The following MYLIP variants were observed in gnomAD, a reference collection of about 807,000 sequenced individuals.
The protein encoded by MYLIP is myosin regulatory light chain interacting protein.
MYLIP carries 26 observed loss-of-function variants against 45.8 expected under a neutral mutation model. The ratio of observed to expected loss-of-function variants is 0.57; its 90% CI spans 0.42 to 0.79. The LOEUF (loss-of-function observed/expected upper bound fraction) is 0.79. Among genes scored for constraint, MYLIP ranks in the 30% least tolerant of loss-of-function variants. MYLIP has a pLI of 0.00. For missense variants in MYLIP, 494 were observed against 555.6 expected (o/e 0.89, Z 1.11); for synonymous variants, 213 against 218.1 (o/e 0.98, Z 0.21).
At chr6:16,144,569 T>G (rs1352461591) in intron 5 of MYLIP, among the ~76,000 whole-genome samples, 1 of 152,206 alleles carries the variant, frequency 6.6e-6, no homozygotes, top group Admixed American at 6.5e-5. Context: ...TTTAGACATT[T>G]CTAACCTAAA....
chr6:16,130,774 T>C (rs1349829362), intron 2 of MYLIP, 27 bp downstream of exon 2: 2 of 1,599,178 alleles, frequency 1.3e-6, no homozygotes, highest in Non-Finnish European at 1.7e-6. Context: ...TAAACCAATG[T>C]CAAATTGACC....
intron 2 of MYLIP, among the ~76,000 whole-genome samples, chr6:16,130,980 G>A (rs1040640609): frequency 6.6e-6 from 1 of 150,430 alleles, no homozygotes; most frequent in Non-Finnish European, 1.5e-5. Flanking sequence ...AACTTGATGG[G>A]TGAGCAGGGT....
At chr6:16,131,619 C>T (rs979304277) in intron 2 of MYLIP, among the ~76,000 whole-genome samples, 6 of 152,170 alleles carry the variant, frequency 3.9e-5, no homozygotes. Flanking sequence ...AGCTTTGGAT[C>T]TAAGTTCTAA....
intron 1 of MYLIP, among the ~76,000 whole-genome samples, chr6:16,130,092 A>G (rs947546702): frequency 6.6e-6 from 1 of 152,232 alleles, no homozygotes; most frequent in Non-Finnish European, 1.5e-5. Flanking sequence ...TCTAGCTCTG[A>G]GATGTTTGGA....
intron 2 of MYLIP, among the ~76,000 whole-genome samples, chr6:16,131,744 T>G (rs1232108724): frequency 1.3e-5 from 2 of 152,136 alleles, no homozygotes; most frequent in Non-Finnish European, 2.9e-5. Context: ...TACATGACAT[T>G]TGCTTGTTTG....
At position 16,130,677 on chromosome 6, in the gene MYLIP, G is replaced by T. The variant is rs766038208; in HGVS notation, c.208G>T (p.Ala70Ser). Residue 70 changes from alanine to serine, a missense_variant, in exon 2 of 7, where the codon GCC becomes TCC. Transcript: ENST00000356840. Reference protein sequence around the residue: ...NRISQQMDGLAPYRLKLRVKF... With the variant: ...NRISQQMDGLSPYRLKLRVKF... ...GATCTCCCAGCAGATGGATGGGCTA[G>T]CCCCTTACAGGCTTAAACTTAGAGT... 4 of 1,614,176 alleles carry T rather than the reference G, an allele frequency of 2.5e-6. No individual in the cohort carries two copies. Among genetic ancestry groups the T allele is most frequent in the South Asian group, 1.1e-5 (1 of 91,080 alleles).
intron 2 of MYLIP, 38 bp from the exon 3 acceptor site, chr6:16,141,587 A>G (rs1265971951): frequency 1.3e-6 from 2 of 1,559,036 alleles, no homozygotes; most frequent in East Asian, 4.6e-5. Context: ...ATGTCAGGTT[A>G]TCCCCAAGCA....
rs1471529929 is a variant in MYLIP at position 16,130,462 on chromosome 6, G to T, written c.88-95G>T. ...AGGAATTGTAACACCATTGAACTTT[G>T]TAAAAAGCACCAGCAATCTTAGCCT... On this transcript the variant is annotated intron_variant, in intron 1 of 6. Transcript: ENST00000356840. The T allele has an allele frequency of 6.2e-6, 8 of 1,300,332 alleles. No individual in the cohort carries two copies. In the Admixed American group the frequency reaches 6.6e-5, roughly 11 times the overall value. 80.5% of individuals were successfully genotyped at this position (1,300,332 alleles called of 1,614,324 possible). A position where few individuals can be genotyped will look rare whatever the true frequency, so the allele number is the denominator to read the frequency against.
chr6:16,131,647 T>C (rs1197978272), intron 2 of MYLIP, among the ~76,000 whole-genome samples: 1 of 152,262 alleles, frequency 6.6e-6, no homozygotes, highest in East Asian at 1.9e-4. Context: ...CATAATTCTT[T>C]GGCTGAGAAA....
chr6:16,138,621 G>A (rs1238769449), intron 2 of MYLIP, among the ~76,000 whole-genome samples: 1 of 152,094 alleles, frequency 6.6e-6, no homozygotes, highest in African/African-American at 2.4e-5. Flanking sequence ...TCCCTTTATT[G>A]TAAAAGGCTG....
the MYLIP span, among the ~76,000 whole-genome samples, chr6:16,158,110 G>A: frequency 2.0e-5 from 3 of 152,170 alleles, no homozygotes; most frequent in African/African-American, 7.2e-5. Context: ...AAGAGCCTAC[G>A]GATTATCGCT....
chr6:16,151,127 A>G (rs981581290), downstream of MYLIP, among the ~76,000 whole-genome samples: 2 of 151,986 alleles, frequency 1.3e-5, no homozygotes, highest in African/African-American at 2.4e-5. Flanking sequence ...AGGCGGGTGG[A>G]TCACGAGGTC....
Position 16,141,686 on chromosome 6 carries a change from G to A in MYLIP, c.340G>A (p.Glu114Lys), listed in dbSNP as rs752488097. The A allele has an allele frequency of 6.2e-7, 1 of 1,614,144 alleles. No homozygotes were observed. Among genetic ancestry groups the A allele is most frequent in the East Asian group, 2.2e-5 (1 of 44,874 alleles). ...GGCAGGCCACCTCTTGTGTTCCCCA[G>A]AGCAGGCAGTGGAACTCAGTGCCCT... is the stretch of plus-strand genomic sequence containing the variant. Reference protein sequence around the residue: ...LLAGHLLCSPEQAVELSALLA... With the variant: ...LLAGHLLCSPKQAVELSALLA... The change falls in exon 3 of 7, where the codon GAG becomes AAG. Residue 114 changes from glutamate to lysine, a missense_variant. Glu to Lys is a moderately conservative substitution (Grantham distance 56). Coordinates refer to ENST00000356840, the MANE Select transcript of MYLIP (RefSeq NM_013262.4).
At chr6:16,150,189 G>A (rs369365091), downstream of MYLIP, among the ~76,000 whole-genome samples, 7 of 152,158 alleles carry the variant, frequency 4.6e-5, no homozygotes, top group Admixed American at 6.6e-5. Flanking sequence ...AGAAAGAACC[G>A]ACAACAGGAT....
chr6:16,160,530 G>A, the MYLIP span, among the ~76,000 whole-genome samples: 527 of 152,298 alleles, frequency 3.5e-3, 2 homozygotes, highest in Non-Finnish European at 5.9e-3. Flanking sequence ...GGCCGGGTGC[G>A]ATGGCTCACG....
At chr6:16,144,372 G>A (rs1041698230) in intron 5 of MYLIP, among the ~76,000 whole-genome samples, 3 of 152,184 alleles carry the variant, frequency 2.0e-5, no homozygotes, top group African/African-American at 2.4e-5. Flanking sequence ...ATCCTGAGTC[G>A]TCACTGTGTA....
intron 3 of MYLIP, 51 bp from the exon 4 acceptor site, chr6:16,142,969 C>A: frequency 6.5e-7 from 1 of 1,549,454 alleles, no homozygotes; most frequent in Admixed American, 1.9e-5. Context: ...AGGTTTATCT[C>A]TAAAGCTAAT....
At chr6:16,148,756 G>A (rs752485751), downstream of MYLIP, among the ~76,000 whole-genome samples, 7 of 152,094 alleles carry the variant, frequency 4.6e-5, no homozygotes, top group Non-Finnish European at 7.4e-5. Flanking sequence ...ACAGAAGCTC[G>A]GGCTGTATTC....
At chr6:16,152,504 A>C (rs1352037707), downstream of MYLIP, among the ~76,000 whole-genome samples, 1 of 152,120 alleles carries the variant, frequency 6.6e-6, no homozygotes, top group Admixed American at 6.5e-5. Context: ...AAACCTCCTA[A>C]AATGTACAGT....
Sources: gnomAD v4.1 joint callset for allele counts (sites outside exome capture counted in the v4.1 genomes callset) on GRCh38, gnomAD v4.1.1 for gene constraint, MANE v1.5 for transcripts, NCBI Gene and HGNC (gene_info 2026-07-23, HGNC 2026-07-21) for gene names.